STRN: variants seen among roughly 807,000 people sequenced by gnomAD.
STRN encodes striatin, also known as protein phosphatase 2 regulatory subunit B'''alpha.
A neutral mutation model predicts 96.3 loss-of-function variants in STRN; 53 were observed. The observed-to-expected ratio is 0.55, with a 90% CI of 0.44 to 0.69. The LOEUF is 0.69. Among genes scored for constraint, STRN ranks in the 30% least tolerant of loss-of-function variants. STRN has a pLI of 0.00. For missense variants in STRN, 987 were observed against 963.9 expected (o/e 1.02, Z -0.32); for synonymous variants, 428 against 355.9 (o/e 1.20, Z -2.28).
chr2:36,886,575 C>T, intron 8 of STRN, 141 bp downstream of exon 8: 4 of 587,382 alleles, frequency 6.8e-6, no homozygotes, highest in Non-Finnish European at 8.7e-6. Flanking sequence ...TAATTTCAAC[C>T]CCTGAGAGCA....
Position 36,848,118 on chromosome 2 carries a change from G to C in STRN, c.*1338C>G, listed in dbSNP as rs1558618769. 6.6e-6 allele frequency: 1 copy of C among 152,176 alleles called. No individual in the cohort carries two copies. Among genetic ancestry groups the C allele is most frequent in the Non-Finnish European group, 1.5e-5 (1 of 68,034 alleles). The allele number at this position is 152,176 out of a possible 1,614,324, so 9.4% of individuals were successfully genotyped here. A position where few individuals can be genotyped will look rare whatever the true frequency, so the allele number is the denominator to read the frequency against. On this transcript the variant is annotated 3_prime_UTR_variant, in exon 18 of 18. Transcript: ENST00000263918. ...GGTGAACACATGTAGGTGGGTCACAGGTAAGTTGGGCTGGGGAAGCCTGGC... is the reference window on the plus strand; with the variant it reads ...GGTGAACACATGTAGGTGGGTCACACGTAAGTTGGGCTGGGGAAGCCTGGC...
intron 4 of STRN, 64 bp from the exon 5 acceptor site, chr2:36,902,815 A>C: frequency 7.5e-7 from 1 of 1,341,872 alleles, no homozygotes; most frequent in South Asian, 1.6e-5. Flanking sequence ...TTTAATATGT[A>C]AATAAAAGTA....
intron 9 of STRN, among the ~76,000 whole-genome samples, chr2:36,883,121 A>G (rs372942595): frequency 2.0e-4 from 31 of 152,166 alleles, no homozygotes; most frequent in African/African-American, 6.5e-4. Flanking sequence ...AGAATAATGC[A>G]TATTTTTATA....
chr2:36,937,477 T>C (rs1216403188), intron 1 of STRN, among the ~76,000 whole-genome samples: 1 of 151,962 alleles, frequency 6.6e-6, no homozygotes, highest in African/African-American at 2.4e-5. Flanking sequence ...AAGACTAGCC[T>C]GGGCAACGCA....
At chr2:36,893,538 G>A (rs1454024242) in intron 7 of STRN, among the ~76,000 whole-genome samples, 4 of 152,124 alleles carry the variant, frequency 2.6e-5, no homozygotes, top group Non-Finnish European at 5.9e-5. Flanking sequence ...CTTTTCGCAT[G>A]TAAGATGTCA....
intron 8 of STRN, 152 bp downstream of exon 8, chr2:36,886,564 T>C: frequency 1.7e-6 from 1 of 576,260 alleles, no homozygotes; most frequent in Non-Finnish European, 3.0e-6. Context: ...AGCTAATCAT[T>C]TAATTTCAAC....
At position 36,887,361 on chromosome 2, in the gene STRN, T is replaced by G. The variant is rs552881116; in HGVS notation, c.932-535A>C. ...ACCTCATGCCTGTAATCCCAGTTAC[T>G]TGGGAGGCTGAGGCAGAAGACTCGC... is the stretch of plus-strand genomic sequence containing the variant. On this transcript the variant is annotated intron_variant, in intron 7 of 17. Coordinates refer to ENST00000263918, the MANE Select transcript of STRN (RefSeq NM_003162.4). Among the ~76,000 whole-genome samples the G allele has an allele frequency of 1.2e-4, 18 of 151,738 alleles. No individual in the cohort carries two copies. The South Asian group carries it at 3.5e-3, about 30-fold the overall frequency.
intron 4 of STRN, among the ~76,000 whole-genome samples, chr2:36,904,692 G>C (rs1292387861): frequency 6.6e-6 from 1 of 152,118 alleles, no homozygotes; most frequent in Non-Finnish European, 1.5e-5. Flanking sequence ...GACAGGCATA[G>C]AGGCACACAC....
chr2:36,889,115 G>C (rs1235617993), intron 7 of STRN, among the ~76,000 whole-genome samples: 1 of 151,994 alleles, frequency 6.6e-6, no homozygotes, highest in African/African-American at 2.4e-5. Flanking sequence ...TATCCTCTTA[G>C]TTGAATGTAA....
chr2:36,963,709 G>C (rs1174774399), intron 1 of STRN, among the ~76,000 whole-genome samples: 1 of 152,196 alleles, frequency 6.6e-6, no homozygotes, highest in Non-Finnish European at 1.5e-5. Flanking sequence ...TGTAATACCA[G>C]CACTTTGGGA....
Position 36,852,420 on chromosome 2 carries a change from A to C in STRN, c.1979-1313T>G, listed in dbSNP as rs534518609. ...CAGATAATAGTATTGTGTCAATGTT[A>C]AGTTTCCGGATTTTGATCATTGTAA... is the stretch of plus-strand genomic sequence containing the variant. On this transcript the variant is annotated intron_variant, in intron 15 of 17. Transcript: ENST00000263918. 2.0e-5 allele frequency among the ~76,000 whole-genome samples: 3 copies of C among 152,308 alleles called. No homozygotes were observed. The South Asian group carries it at 6.2e-4, about 32-fold the overall frequency.
At chr2:36,925,523 T>A (rs565615185) in intron 1 of STRN, among the ~76,000 whole-genome samples, 1 of 152,246 alleles carries the variant, frequency 6.6e-6, no homozygotes, top group African/African-American at 2.4e-5. Context: ...ACACCTGTAA[T>A]CCCAGCACTT....
At chr2:36,932,683 G>C (rs1670605074) in intron 1 of STRN, among the ~76,000 whole-genome samples, 1 of 152,022 alleles carries the variant, frequency 6.6e-6, no homozygotes, top group South Asian at 2.1e-4. Context: ...GTTCACTACA[G>C]CCTTGAACTC....
intron 1 of STRN, among the ~76,000 whole-genome samples, chr2:36,936,634 A>G (rs150112657): frequency 0.015 from 2,356 of 152,354 alleles, 35 homozygotes; most frequent in South Asian, 0.03. Flanking sequence ...TGAAGCCAAC[A>G]GAAAACTATA....
At chr2:36,964,201 T>C (rs1460696960) in intron 1 of STRN, among the ~76,000 whole-genome samples, 1 of 137,304 alleles carries the variant, frequency 7.3e-6, no homozygotes, top group Admixed American at 7.1e-5. Context: ...GAAGGATGGG[T>C]TGGAATTCCC....
At chr2:36,940,691 C>A (rs1424616814) in intron 1 of STRN, among the ~76,000 whole-genome samples, 3 of 151,732 alleles carry the variant, frequency 2.0e-5, no homozygotes, top group Non-Finnish European at 4.4e-5. Flanking sequence ...TAAAAATTAG[C>A]CAGGCATGGT....
At chr2:36,869,993 A>C (rs1668722869) in intron 10 of STRN, among the ~76,000 whole-genome samples, 1 of 152,200 alleles carries the variant, frequency 6.6e-6, no homozygotes, top group Non-Finnish European at 1.5e-5. Context: ...AAATTATATA[A>C]AATAGATCTT....
rs758076878 is a variant in STRN at position 36,851,101 on chromosome 2, T to G, written c.1985A>C (p.Asn662Thr). The G allele has an allele frequency of 6.2e-7, 1 of 1,610,458 alleles. No individual in the cohort carries two copies. Among genetic ancestry groups the G allele is most frequent in the African/African-American group, 1.3e-5 (1 of 74,358 alleles). The change falls in exon 16 of 18, where the codon AAC becomes ACC. Residue 662 changes from asparagine (N) to threonine (T), a missense_variant. Physicochemically the swap from Asn to Thr is moderately conservative, Grantham distance 65. Coordinates refer to ENST00000263918, the MANE Select transcript of STRN (RefSeq NM_003162.4). ...GACTCTATTTATTTGGCAGGAAGAG[T>G]TGGCTGCTAAAAAGAAAAAATTAAA... ...TLESNVDTTA[N>T]SSCQINRVIS...
chr2:36,892,942 C>T (rs1669437790), intron 7 of STRN, among the ~76,000 whole-genome samples: 1 of 152,108 alleles, frequency 6.6e-6, no homozygotes, highest in Non-Finnish European at 1.5e-5. Flanking sequence ...ATTGCTTGAA[C>T]CCGGGAACTG....
Sources: gnomAD v4.1 joint callset for allele counts (sites outside exome capture counted in the v4.1 genomes callset) on GRCh38, gnomAD v4.1.1 for gene constraint, MANE v1.5 for transcripts, NCBI Gene and HGNC (gene_info 2026-07-23, HGNC 2026-07-21) for gene names.